SH3GL3: variants seen among roughly 807,000 people sequenced by gnomAD.
SH3GL3 encodes the protein endophilin-A3.
In SH3GL3, 33 loss-of-function variants were observed where a neutral mutation model predicts 47.7. That is an observed-to-expected ratio of 0.69 (90% CI 0.52 to 0.92). SH3GL3 has a LOEUF of 0.92. Among genes scored for constraint, SH3GL3 ranks in the 40% least tolerant of loss-of-function variants. The pLI is 0.00. For missense variants in SH3GL3, 363 were observed against 417.8 expected (o/e 0.87, Z 1.14); for synonymous variants, 155 against 148.8 (o/e 1.04, Z -0.30).
chr15:83,524,891 ACTTT>A (rs746291944), intron 1 of SH3GL3, among the ~76,000 whole-genome samples: 1 of 152,094 alleles, frequency 6.6e-6, no homozygotes, highest in Non-Finnish European at 1.5e-5. Context: ...TATATTCCAC[ACTTT>A]CTTTATCCAT....
rs368184232 is a variant in SH3GL3 at position 83,618,299 on chromosome 15, A to G, written c.*12A>G. 72 of 1,522,812 alleles carry G rather than the reference A, an allele frequency of 4.7e-5. No homozygotes were observed. Among genetic ancestry groups the G allele is most frequent in the Non-Finnish European group, 6.4e-5 (70 of 1,096,816 alleles). The allele number at this position is 1,522,812 out of a possible 1,614,324, so 94.3% of individuals were successfully genotyped here. ...CTTTACCTCAGTAAATGTGTAACAC[A>G]AACTCTGGACATACTTTCGTAACTG... On this transcript the variant is annotated 3_prime_UTR_variant, in exon 9 of 9. Coordinates refer to ENST00000427482, the MANE Select transcript of SH3GL3 (RefSeq NM_003027.5).
chr15:83,599,406 C>T (rs991286981), intron 8 of SH3GL3, among the ~76,000 whole-genome samples: 6 of 152,190 alleles, frequency 3.9e-5, no homozygotes, highest in Admixed American at 3.9e-4. Context: ...GTCTTTGCAT[C>T]CTCATAGCTT....
intron 1 of SH3GL3, among the ~76,000 whole-genome samples, chr15:83,515,028 C>T (rs555870879): frequency 6.6e-6 from 1 of 152,280 alleles, no homozygotes; most frequent in Middle Eastern, 3.4e-3. Context: ...CACGGATCCT[C>T]TCTCCTAGAG....
chr15:83,632,926 T>G, the SH3GL3 span, among the ~76,000 whole-genome samples: 3 of 152,164 alleles, frequency 2.0e-5, no homozygotes, highest in African/African-American at 4.8e-5. Flanking sequence ...GATATAAATG[T>G]TCACTAAGCA....
intron 1 of SH3GL3, among the ~76,000 whole-genome samples, chr15:83,499,072 C>T (rs1404320519): frequency 2.0e-5 from 3 of 152,066 alleles, no homozygotes; most frequent in African/African-American, 4.8e-5. Flanking sequence ...TTACCCGTTT[C>T]CTTCCTCTTC....
intron 8 of SH3GL3, among the ~76,000 whole-genome samples, chr15:83,606,507 G>C (rs947333461): frequency 6.6e-6 from 1 of 152,208 alleles, no homozygotes; most frequent in Non-Finnish European, 1.5e-5. Flanking sequence ...AGTGACAATG[G>C]TGATTGTTCG....
intron 8 of SH3GL3, among the ~76,000 whole-genome samples, chr15:83,610,791 A>G (rs1248302872): frequency 6.6e-6 from 1 of 152,078 alleles, no homozygotes; most frequent in Non-Finnish European, 1.5e-5. Flanking sequence ...ATCCACTAAT[A>G]TCTCTGAGAC....
At chr15:83,592,318 C>G (rs1382067377) in intron 8 of SH3GL3, among the ~76,000 whole-genome samples, 1 of 152,148 alleles carries the variant, frequency 6.6e-6, no homozygotes, top group East Asian at 1.9e-4. Flanking sequence ...ATCATCACTT[C>G]CATCATGTGG....
intron 1 of SH3GL3, among the ~76,000 whole-genome samples, chr15:83,554,885 T>C (rs1183695931): frequency 6.6e-6 from 1 of 152,218 alleles, no homozygotes; most frequent in Non-Finnish European, 1.5e-5. Context: ...TACTTGAGTG[T>C]GCTTCCAAAC....
At chr15:83,627,411 A>AAG in the SH3GL3 span, among the ~76,000 whole-genome samples, 246 of 151,050 alleles carry the variant, frequency 1.6e-3, 2 homozygotes, top group African/African-American at 5.8e-3. Context: ...AAAAAAAAAA[A>AAG]AAGAAAAGAA....
intron 1 of SH3GL3, among the ~76,000 whole-genome samples, chr15:83,498,905 C>G (rs1248298013): frequency 6.6e-6 from 1 of 152,140 alleles, no homozygotes; most frequent in Non-Finnish European, 1.5e-5. Context: ...CACACTATGC[C>G]CTGTTGGGTT....
chr15:83,510,069 T>C (rs1162923639), intron 1 of SH3GL3, among the ~76,000 whole-genome samples: 2 of 142,516 alleles, frequency 1.4e-5, no homozygotes, highest in Non-Finnish European at 3.0e-5. Context: ...CAGAAGAGAG[T>C]GTCATGGAAG....
intron 1 of SH3GL3, among the ~76,000 whole-genome samples, chr15:83,497,625 C>T (rs2042133390): frequency 6.6e-6 from 1 of 152,186 alleles, no homozygotes; most frequent in Non-Finnish European, 1.5e-5. Context: ...TCTCTCTCCC[C>T]TTAGGCCTCC....
chr15:83,601,393 G>T (rs2060374222), intron 8 of SH3GL3, among the ~76,000 whole-genome samples: 1 of 152,116 alleles, frequency 6.6e-6, no homozygotes, highest in African/African-American at 2.4e-5. Context: ...TTTGCTGAGG[G>T]TTTTAATCAC....
chr15:83,575,156 C>G (rs1335539162), intron 5 of SH3GL3, among the ~76,000 whole-genome samples: 1 of 152,160 alleles, frequency 6.6e-6, no homozygotes, highest in African/African-American at 2.4e-5. Flanking sequence ...AGAGAAGTGA[C>G]AGTCTGGGTT....
chr15:83,483,503 T>C lies in SH3GL3; in HGVS notation c.45+35925T>C, dbSNP rs189986151. ...ATGTGGCCAGTGGCTATGTATTAGA[T>C]AGCACGGTCATCATGAGGACGGCTT... On this transcript the variant is annotated intron_variant, in intron 1 of 8. Coordinates refer to ENST00000427482, the MANE Select transcript of SH3GL3 (RefSeq NM_003027.5). Among the ~76,000 whole-genome samples, 173 of 152,348 alleles carry C rather than the reference T, an allele frequency of 1.1e-3. 2 individuals are homozygous for C. Among genetic ancestry groups the C allele is most frequent in the African/African-American group, 3.9e-3 (162 of 41,580 alleles).
At chr15:83,561,081 CAAT>C (rs796921569) in intron 2 of SH3GL3, among the ~76,000 whole-genome samples, 15 of 152,048 alleles carry the variant, frequency 9.9e-5, no homozygotes, top group African/African-American at 3.6e-4. Context: ...ATTAAACTGA[CAAT>C]AATCAATAGG....
chr15:83,525,561 C>A (rs547692095), intron 1 of SH3GL3, among the ~76,000 whole-genome samples: 1 of 151,990 alleles, frequency 6.6e-6, no homozygotes, highest in East Asian at 1.9e-4. Context: ...TTTTCTTACC[C>A]ATGCTTCTGA....
intron 1 of SH3GL3, among the ~76,000 whole-genome samples, chr15:83,528,320 T>G (rs1338423387): frequency 6.6e-6 from 1 of 152,232 alleles, no homozygotes; most frequent in Non-Finnish European, 1.5e-5. Flanking sequence ...CTGAGATTCC[T>G]GTATCTGGAT....
Sources: gnomAD v4.1 joint callset for allele counts (sites outside exome capture counted in the v4.1 genomes callset) on GRCh38, gnomAD v4.1.1 for gene constraint, MANE v1.5 for transcripts, NCBI Gene and HGNC (gene_info 2026-07-23, HGNC 2026-07-21) for gene names.